GALNT3: variants seen among roughly 807,000 people sequenced by gnomAD.
GALNT3 encodes the protein polypeptide N-acetylgalactosaminyltransferase 3, also known as GalNAc transferase 3.
A neutral mutation model predicts 69.8 loss-of-function variants in GALNT3; 51 were observed. That is an observed-to-expected ratio of 0.73 (90% CI 0.58 to 0.92). GALNT3 has a LOEUF of 0.92. Ranked by LOEUF, GALNT3 falls within the 40% of genes least tolerant of loss-of-function variation. GALNT3 has a pLI of 0.00. For synonymous variants in GALNT3, 265 were observed against 248.5 expected (o/e 1.07, Z -0.63); for missense variants, 711 against 760.0 (o/e 0.94, Z 0.76).
chr2:165,777,767 A>G (rs1682999882), intron 1 of GALNT3, among the ~76,000 whole-genome samples: 1 of 152,214 alleles, frequency 6.6e-6, no homozygotes, highest in Admixed American at 6.5e-5. Context: ...GCAGCAGTAG[A>G]CATACCTCAA....
At chr2:165,750,824 T>A (rs892952375) in intron 9 of GALNT3, among the ~76,000 whole-genome samples, 4 of 152,168 alleles carry the variant, frequency 2.6e-5, no homozygotes, top group Non-Finnish European at 5.9e-5. Flanking sequence ...TCAGAACATA[T>A]GTATCTATAA....
Position 165,785,523 on chromosome 2 carries a change from C to G in GALNT3, c.-109+8492G>C, listed in dbSNP as rs1171825150. Among the ~76,000 whole-genome samples the G allele has an allele frequency of 2.0e-5, 3 of 152,104 alleles. No individual in the cohort carries two copies. In the East Asian group the frequency reaches 5.8e-4, roughly 29 times the overall value. On this transcript the variant is annotated intron_variant, in intron 1 of 10. Transcript: ENST00000392701. ...AACTGGAGTTCACAAACAACTGCAA[C>G]TACTAACACATTTTTAAGAATTAAA... is the stretch of plus-strand genomic sequence containing the variant.
At chr2:165,765,374 G>A (rs941167564) in intron 2 of GALNT3, among the ~76,000 whole-genome samples, 7 of 152,078 alleles carry the variant, frequency 4.6e-5, no homozygotes, top group African/African-American at 7.2e-5. Context: ...AACCTACAAT[G>A]AGGCAGCATG....
chr2:165,787,980 T>G (rs1347927501), intron 1 of GALNT3, among the ~76,000 whole-genome samples: 1 of 152,058 alleles, frequency 6.6e-6, no homozygotes, highest in Non-Finnish European at 1.5e-5. Flanking sequence ...ATAGACTAAT[T>G]AAGTCAGTGA....
chr2:165,765,017 G>A lies in GALNT3; in HGVS notation c.555C>T (p.Pro185=), dbSNP rs1466906905. 4 of 1,614,052 alleles carry A rather than the reference G, an allele frequency of 2.5e-6. No individual in the cohort carries two copies. The highest frequency in any genetic ancestry group is 1.7e-5 in the Admixed American group (1 of 60,004). ...GAAAAACTATTATGACACTGGTGGT[G>A]GGCAGGGGAGGGCAGCGCTTAAATT... The part of the protein sequence containing the change: ...EQKFKRCPPL[P]TTSVIIVFHN... The change falls in exon 3 of 11, where the codon CCC becomes CCT. Residue 185 remains proline, a synonymous_variant. Coordinates refer to ENST00000392701, the MANE Select transcript of GALNT3 (RefSeq NM_004482.4).
Position 165,770,248 on chromosome 2 carries a change from A to G in GALNT3, c.453T>C (p.Asn151=). The G allele has an allele frequency of 6.2e-7, 1 of 1,614,190 alleles. No homozygotes were observed. Among genetic ancestry groups the G allele is most frequent in the South Asian group, 1.1e-5 (1 of 91,076 alleles). ...AAGAAATCCTGTCACTTGCGAAAGC[A>G]TTAAAGCAGTGTTTAGCTTCCCCAC... ...KERGEAKHCF[N]AFASDRISLH... is the part of the protein sequence containing the mutation. The change falls in exon 2 of 11, where the codon AAT becomes AAC. Residue 151 remains asparagine (N), a synonymous_variant. Coordinates refer to ENST00000392701, the MANE Select transcript of GALNT3 (RefSeq NM_004482.4).
At chr2:165,768,308 A>G (rs1688684000) in intron 2 of GALNT3, among the ~76,000 whole-genome samples, 1 of 152,186 alleles carries the variant, frequency 6.6e-6, no homozygotes, top group Non-Finnish European at 1.5e-5. Context: ...TCTTAATGCT[A>G]TATTGGGAGA....
intron 1 of GALNT3, among the ~76,000 whole-genome samples, chr2:165,784,800 A>C (rs1016155131): frequency 3.3e-5 from 5 of 152,238 alleles, no homozygotes; most frequent in African/African-American, 1.2e-4. Flanking sequence ...GTAGAGTACA[A>C]GAAGGAGACT....
intron 1 of GALNT3, among the ~76,000 whole-genome samples, chr2:165,778,636 C>T (rs1342185312): frequency 5.9e-5 from 9 of 152,124 alleles, no homozygotes; most frequent in Non-Finnish European, 1.2e-4. Context: ...TATGGAGATG[C>T]CCTAGCTTTG....
rs886055013 is a variant in GALNT3, at chr2:165,748,463, A to C, written c.*318T>G. On this transcript the variant is annotated 3_prime_UTR_variant, in exon 11 of 11. Transcript: ENST00000392701. ...AAATTGTGAGTGTGTGAATGTAGCT[A>C]TATATATATATCCCTAAGTGTACAA... 8 of 265,296 alleles carry C rather than the reference A, an allele frequency of 3.0e-5. No homozygotes were observed. Among genetic ancestry groups the C allele is most frequent in the East Asian group, 7.0e-5 (1 of 14,232 alleles). 16.4% of individuals were successfully genotyped at this position (265,296 alleles called of 1,614,324 possible). A position where few individuals can be genotyped will look rare whatever the true frequency, so the allele number is the denominator to read the frequency against.
At chr2:165,790,228 T>A (rs1377019170) in intron 1 of GALNT3, among the ~76,000 whole-genome samples, 1 of 152,124 alleles carries the variant, frequency 6.6e-6, no homozygotes, top group Non-Finnish European at 1.5e-5. Context: ...GTGCCAAAAA[T>A]AAGAGCCCAA....
rs564007357 is a variant in GALNT3, at chr2:165,770,695, A to G, written c.6T>C (p.Ala2=). The change falls in exon 2 of 11, where the codon GCT becomes GCC. Residue 2 remains alanine, a synonymous_variant. Transcript: ENST00000392701. ...GTAATTTTACTAGTCGCTTTAGGTG[A>G]GCCATTCTGACATTAAAAGCTTGTC... M[A]HLKRLVKLHI... The G allele has an allele frequency of 2.5e-6, 4 of 1,602,812 alleles. No homozygotes were observed. In the African/African-American group the frequency reaches 4.0e-5, roughly 16 times the overall value.
In GALNT3 at chr2:165,761,896, T is replaced by C. The variant is rs1416420114; in HGVS notation, c.838+9A>G. ...AATGTTACAACCATATCCATACATA[T>C]ATACTTACAGTGAGCATCTAAAAAT... On this transcript the variant is annotated intron_variant, in intron 4 of 10. Transcript: ENST00000392701. 2 of 1,613,774 alleles carry C rather than the reference T, an allele frequency of 1.2e-6. No homozygotes were observed. The highest frequency in any genetic ancestry group is 1.7e-6 in the Non-Finnish European group (2 of 1,179,814).
chr2:165,771,928 T>C (rs1280261948), intron 1 of GALNT3, among the ~76,000 whole-genome samples: 2 of 152,216 alleles, frequency 1.3e-5, no homozygotes, highest in African/African-American at 2.4e-5. Flanking sequence ...CTTAGTTCTA[T>C]ATACTATTTC....
intron 2 of GALNT3, among the ~76,000 whole-genome samples, chr2:165,769,384 TGAAAGA>T (rs926785734): frequency 8.3e-5 from 12 of 143,782 alleles, no homozygotes; most frequent in South Asian, 4.5e-4. Context: ...CCAGCCTCAG[TGAAAGA>T]GAAAGACTCC....
At chr2:165,773,847 G>C (rs1266573090) in intron 1 of GALNT3, among the ~76,000 whole-genome samples, 1 of 151,610 alleles carries the variant, frequency 6.6e-6, no homozygotes, top group Non-Finnish European at 1.5e-5. Flanking sequence ...TCCACGTCAA[G>C]TGGAAGTAAT....
At chr2:165,776,836 A>G (rs1377863490) in intron 1 of GALNT3, among the ~76,000 whole-genome samples, 1 of 152,212 alleles carries the variant, frequency 6.6e-6, no homozygotes, top group East Asian at 1.9e-4. Flanking sequence ...AATCTAACTA[A>G]CAAGTGGTAG....
chr2:165,789,834 G>T lies in GALNT3; in HGVS notation c.-109+4181C>A, dbSNP rs544833241. ...TCAAACAGCACTATTTCTGCAGCTGGACATAATCCACTAAGTTGAATACAC... is the reference window on the plus strand; with the variant it reads ...TCAAACAGCACTATTTCTGCAGCTGTACATAATCCACTAAGTTGAATACAC... On this transcript the variant is annotated intron_variant, in intron 1 of 10. Coordinates refer to ENST00000392701, the MANE Select transcript of GALNT3 (RefSeq NM_004482.4). Among the ~76,000 whole-genome samples the T allele has an allele frequency of 1.6e-4, 24 of 152,310 alleles. 1 individual carries two copies. In the South Asian group the frequency reaches 5.0e-3, roughly 32 times the overall value.
chr2:165,782,549 G>A (rs1272274422), intron 1 of GALNT3, among the ~76,000 whole-genome samples: 1 of 152,240 alleles, frequency 6.6e-6, no homozygotes, highest in East Asian at 1.9e-4. Flanking sequence ...TACCCAGTAT[G>A]TCTATTCCAA....
Sources: gnomAD v4.1 joint callset for allele counts (sites outside exome capture counted in the v4.1 genomes callset) on GRCh38, gnomAD v4.1.1 for gene constraint, MANE v1.5 for transcripts, NCBI Gene and HGNC (gene_info 2026-07-23, HGNC 2026-07-21) for gene names.